Variants in DNAJC8 observed in about 807,000 individuals in gnomAD.
The protein encoded by DNAJC8 is DnaJ heat shock protein family (Hsp40) member C8.
A neutral mutation model predicts 43.2 loss-of-function variants in DNAJC8; 24 were observed. That is an observed-to-expected ratio of 0.56 (90% CI 0.40 to 0.78). The LOEUF is 0.78. Among genes scored for constraint, DNAJC8 ranks in the 30% least tolerant of loss-of-function variants. DNAJC8 has a pLI of 0.00. For missense variants in DNAJC8, 207 were observed against 299.4 expected, an observed-to-expected ratio of 0.69 and a Z score of 2.28; for synonymous variants, 83 against 98.0, an observed-to-expected ratio of 0.85 and a Z score of 0.90.
intron 2 of DNAJC8, among the ~76,000 whole-genome samples, chr1:28,225,215 AGTTTATATTGTG>A (rs1646926106): frequency 6.6e-6 from 1 of 151,416 alleles, no homozygotes; most frequent in South Asian, 2.1e-4. Flanking sequence ...TGATTTTGAT[AGTTTATATTGTG>A]GTTCAGTAAG....
At chr1:28,201,809 GAAA>G (rs892690422) in intron 8 of DNAJC8, among the ~76,000 whole-genome samples, 5 of 146,998 alleles carry the variant, frequency 3.4e-5, no homozygotes, top group African/African-American at 1.3e-4. Context: ...AAAAAGAAAA[GAAA>G]AAAAGAAAAA....
intron 2 of DNAJC8, among the ~76,000 whole-genome samples, chr1:28,224,154 T>A (rs1048506942): frequency 6.6e-6 from 1 of 152,180 alleles, no homozygotes; most frequent in South Asian, 2.1e-4. Flanking sequence ...CCTAAGTCCA[T>A]ACTGGCAAAT....
At chr1:28,223,593 C>T (rs770644746) in intron 2 of DNAJC8, among the ~76,000 whole-genome samples, 10 of 151,636 alleles carry the variant, frequency 6.6e-5, no homozygotes, top group African/African-American at 1.2e-4. Flanking sequence ...TAGGAGCCAG[C>T]GCCAGGTGCA....
In DNAJC8 at chr1:28,232,499, G is replaced by A. The variant is rs1314802662; in HGVS notation, c.78+422C>T. On this transcript the variant is annotated intron_variant, in intron 1 of 8. Transcript: ENST00000263697. ...ATGGGGGTAATATAATGCCTAACTG[G>A]CATGATACACAGTGCCTGGCGTTCG... Among the ~76,000 whole-genome samples the A allele has an allele frequency of 2.0e-5, 3 of 152,170 alleles. No individual in the cohort carries two copies. The South Asian group carries it at 6.2e-4, about 32-fold the overall frequency.
chr1:28,216,955 T>C (rs1056728968), intron 2 of DNAJC8, among the ~76,000 whole-genome samples: 6 of 151,482 alleles, frequency 4.0e-5, no homozygotes, highest in Non-Finnish European at 4.4e-5. Flanking sequence ...ATTACAGGCA[T>C]GCGCCACCAC....
At chr1:28,226,103 C>G (rs115437392) in intron 2 of DNAJC8, among the ~76,000 whole-genome samples, 2,587 of 151,236 alleles carry the variant, frequency 0.017, 130 homozygotes, top group African/African-American at 0.06. Context: ...TATTATTTAA[C>G]AGATACAAAA....
intron 7 of DNAJC8, among the ~76,000 whole-genome samples, chr1:28,204,476 G>A (rs1025748438): frequency 6.6e-6 from 1 of 152,112 alleles, no homozygotes; most frequent in African/African-American, 2.4e-5. Context: ...GGTGGAGGTT[G>A]CAGTGAGCCA....
At position 28,208,510 on chromosome 1, in the gene DNAJC8, C is replaced by A. The variant is rs887579264; in HGVS notation, c.400-97G>T. 16 of 589,166 alleles carry A rather than the reference C, an allele frequency of 2.7e-5. No homozygotes were observed. The highest frequency in any genetic ancestry group is 4.2e-5 in the Non-Finnish European group (16 of 385,394). The allele number at this position is 589,166 out of a possible 1,614,324, so 36.5% of individuals were successfully genotyped here. A position where few individuals can be genotyped will look rare whatever the true frequency, so the allele number is the denominator to read the frequency against. ...CAATATATTTAACTTTCTATAGGCA[C>A]GGGTATAGCAAAAAGTTTTCATTAA... On this transcript the variant is annotated intron_variant, in intron 5 of 8. Transcript: ENST00000263697.
intron 2 of DNAJC8, among the ~76,000 whole-genome samples, chr1:28,224,526 C>A (rs1266483980): frequency 6.6e-6 from 1 of 152,088 alleles, no homozygotes; most frequent in Non-Finnish European, 1.5e-5. Context: ...CCTCAGCCTC[C>A]CAAAGTGTTG....
chr1:28,206,107 G>A (rs761527569), intron 6 of DNAJC8, among the ~76,000 whole-genome samples: 16 of 151,844 alleles, frequency 1.1e-4, no homozygotes, highest in East Asian at 1.9e-4. Flanking sequence ...TGGGAGGATC[G>A]CTTGAGCTCA....
rs1369046779 is a variant in DNAJC8, at chr1:28,219,040, AG to A, written c.181-4045del. ...GAAATTGTCCCACCCTCACAAAAAA[AG>A]CCTCTGATAAGATTATAGCTTACAA... On this transcript the variant is annotated intron_variant, in intron 2 of 8. Transcript: ENST00000263697. Among the ~76,000 whole-genome samples the A allele has an allele frequency of 2.6e-5, 4 of 152,340 alleles. No individual in the cohort carries two copies. The East Asian group carries it at 5.8e-4, about 22-fold the overall frequency.
chr1:28,224,116 T>G (rs1352016491), intron 2 of DNAJC8, among the ~76,000 whole-genome samples: 1 of 152,094 alleles, frequency 6.6e-6, no homozygotes, highest in African/African-American at 2.4e-5. Context: ...AAACATAAAA[T>G]TACAACGTAC....
rs1339850400 is a variant in DNAJC8, at chr1:28,200,520, C to T, written c.*728G>A. 2.2e-6 allele frequency: 1 copy of T among 456,456 alleles called. No homozygotes were observed. The highest frequency in any genetic ancestry group is 6.9e-5 in the East Asian group (1 of 14,398). 28.3% of individuals were successfully genotyped at this position (456,456 alleles called of 1,614,324 possible). On this transcript the variant is annotated 3_prime_UTR_variant, in exon 9 of 9. Coordinates refer to ENST00000263697, the MANE Select transcript of DNAJC8 (RefSeq NM_014280.3). ...GGTTCAGCCAAGCCAGACAAGGGAC[C>T]CACAAGGGAGAGTACAAGGAAAAGT...
At chr1:28,231,719 GA>G (rs113876916) in intron 1 of DNAJC8, among the ~76,000 whole-genome samples, 24,546 of 143,794 alleles carry the variant, frequency 0.17, 4,571 homozygotes, top group African/African-American at 0.46. Context: ...TCCGCCTTAG[GA>G]AAAAAAAAAA....
chr1:28,217,279 G>A (rs1399632799), intron 2 of DNAJC8, among the ~76,000 whole-genome samples: 19 of 152,054 alleles, frequency 1.2e-4, no homozygotes, highest in Middle Eastern at 3.4e-3. Flanking sequence ...CTGTAAGTGC[G>A]TGGAGCACAC....
intron 3 of DNAJC8, among the ~76,000 whole-genome samples, chr1:28,212,170 T>TAA (rs1314233756): frequency 0.097 from 2,251 of 23,196 alleles, 99 homozygotes; most frequent in African/African-American, 0.23. Flanking sequence ...AATAAATAAA[T>TAA]ATATATATAT....
intron 5 of DNAJC8, 112 bp downstream of exon 5, chr1:28,209,860 A>G (rs1309466482): frequency 2.3e-6 from 2 of 873,704 alleles, no homozygotes; most frequent in Non-Finnish European, 3.6e-6. Flanking sequence ...AGAGCACAGA[A>G]GTAGCCACAG....
chr1:28,203,949 G>T, intron 7 of DNAJC8, 127 bp from the exon 8 acceptor site: 1 of 912,216 alleles, frequency 1.1e-6, no homozygotes, highest in Non-Finnish European at 1.7e-6. Flanking sequence ...TACAAAGATG[G>T]CTGTCTGGAA....
chr1:28,211,339 C>T (rs2149016963), intron 3 of DNAJC8, among the ~76,000 whole-genome samples: 1 of 152,334 alleles, frequency 6.6e-6, no homozygotes, highest in South Asian at 2.1e-4. Flanking sequence ...TGAGTGCTAA[C>T]ATGATGCTCA....
Sources: allele counts gnomAD v4.1 joint callset (sites outside exome capture counted in the v4.1 genomes callset), GRCh38; gene constraint gnomAD v4.1.1; transcripts MANE v1.5; gene names NCBI Gene and HGNC (gene_info 2026-07-23, HGNC 2026-07-21).